Variants in IGF2BP2 observed in about 807,000 individuals in gnomAD.
IGF2BP2 encodes insulin-like growth factor 2 mRNA-binding protein 2.
A neutral mutation model predicts 75.8 loss-of-function variants in IGF2BP2; 17 were observed. The ratio of observed to expected loss-of-function variants is 0.22; its 90% CI spans 0.15 to 0.34. The LOEUF (loss-of-function observed/expected upper bound fraction) is 0.34. IGF2BP2 is among the 10% of genes least tolerant of loss of function. IGF2BP2 has a pLI of 1.00. For missense variants in IGF2BP2, 516 were observed against 772.4 expected, an observed-to-expected ratio of 0.67 and a Z score of 3.93; for synonymous variants, 288 against 295.6, an observed-to-expected ratio of 0.97 and a Z score of 0.26.
intron 7 of IGF2BP2, among the ~76,000 whole-genome samples, chr3:185,677,784 T>C (rs1287782978): frequency 6.6e-6 from 1 of 152,124 alleles, no homozygotes; most frequent in African/African-American, 2.4e-5. Context: ...AGAAAGAACC[T>C]AACAAATTCT....
intron 10 of IGF2BP2, among the ~76,000 whole-genome samples, chr3:185,665,068 G>C: frequency 6.6e-6 from 1 of 151,654 alleles, no homozygotes; most frequent in East Asian, 1.9e-4. Context: ...AAGAAGCTGA[G>C]GAGGGAGCAT....
At chr3:185,766,910 C>T (rs1414424713) in intron 2 of IGF2BP2, among the ~76,000 whole-genome samples, 1 of 152,204 alleles carries the variant, frequency 6.6e-6, no homozygotes, top group Non-Finnish European at 1.5e-5. Context: ...CCAAGGTGTT[C>T]ACAACACACA....
At position 185,647,179 on chromosome 3, in the gene IGF2BP2, C is replaced by T. The variant is rs760666538; in HGVS notation, c.1594-41G>A. 3.5e-6 allele frequency: 5 copies of T among 1,433,818 alleles called. No homozygotes were observed. In the African/African-American group the frequency reaches 5.6e-5, roughly 16 times the overall value. 88.8% of individuals were successfully genotyped at this position (1,433,818 alleles called of 1,614,324 possible). A position where few individuals can be genotyped will look rare whatever the true frequency, so the allele number is the denominator to read the frequency against. On this transcript the variant is annotated intron_variant, in intron 14 of 15. Transcript: ENST00000382199. This position sits in a 1 kb window ranked among gnomAD's most constrained non-coding sequence, Gnocchi z 4.9. Reference sequence around the variant, plus strand: ...CGGCAACGGGTTGGATAGGTTCCCTCCCCGTCAACGTGGTGGGCTCAGGAC... The same window carrying T: ...CGGCAACGGGTTGGATAGGTTCCCTTCCCGTCAACGTGGTGGGCTCAGGAC...
chr3:185,753,588 G>A (rs866754074), intron 2 of IGF2BP2, among the ~76,000 whole-genome samples: 91 of 152,204 alleles, frequency 6.0e-4, no homozygotes, highest in Middle Eastern at 6.8e-3. Context: ...CACTTCCTGC[G>A]GCTAAGTAGA....
chr3:185,724,062 A>T (rs1726965727), intron 2 of IGF2BP2, among the ~76,000 whole-genome samples: 1 of 152,216 alleles, frequency 6.6e-6, no homozygotes, highest in South Asian at 2.1e-4. Context: ...CGGTCACAGC[A>T]AACACATGCT....
At chr3:185,703,899 A>G (rs1723653725) in intron 2 of IGF2BP2, among the ~76,000 whole-genome samples, 1 of 152,208 alleles carries the variant, frequency 6.6e-6, no homozygotes, top group African/African-American at 2.4e-5. Flanking sequence ...TGAGAACTCT[A>G]AACCAAGCCT....
chr3:185,700,259 T>C (rs1229912376), intron 2 of IGF2BP2, among the ~76,000 whole-genome samples: 2 of 152,126 alleles, frequency 1.3e-5, no homozygotes, highest in Admixed American at 6.5e-5. Flanking sequence ...AAATAATGAA[T>C]TAAATGAGGG....
chr3:185,792,915 T>A (rs1047835021), intron 2 of IGF2BP2, among the ~76,000 whole-genome samples: 1 of 151,964 alleles, frequency 6.6e-6, no homozygotes, highest in African/African-American at 2.4e-5. Context: ...GACCCTCTCA[T>A]GAGCAGCCCA....
intron 2 of IGF2BP2, among the ~76,000 whole-genome samples, chr3:185,734,191 A>G (rs1178986766): frequency 6.6e-6 from 1 of 152,222 alleles, no homozygotes; most frequent in Non-Finnish European, 1.5e-5. Context: ...GGCAGTAATG[A>G]GCATCTGCAC....
chr3:185,677,068 T>TATATATATATATAGAGAG, intron 7 of IGF2BP2, among the ~76,000 whole-genome samples: 36 of 35,844 alleles, frequency 1.0e-3, no homozygotes, highest in African/African-American at 2.2e-3. Flanking sequence ...TATATATATA[T>TATATATATATATAGAGAG]AGAGAGAGAG....
In IGF2BP2 at chr3:185,656,788, C is replaced by T. The variant is rs114135713; in HGVS notation, c.1386+498G>A. On this transcript the variant is annotated intron_variant, in intron 12 of 15. Coordinates refer to ENST00000382199, the MANE Select transcript of IGF2BP2 (RefSeq NM_006548.6). ...AGCCTTTCCATAAGTCAAGGACCGT[C>T]CTTCCTGAGTTGCTATGCTCAGGCT... 7.3e-4 allele frequency among the ~76,000 whole-genome samples: 111 copies of T among 152,354 alleles called. 1 individual carries two copies. The highest frequency in any genetic ancestry group is 2.6e-3 in the African/African-American group (108 of 41,576).
intron 2 of IGF2BP2, among the ~76,000 whole-genome samples, chr3:185,704,932 T>C (rs2149388476): frequency 6.6e-6 from 1 of 152,300 alleles, no homozygotes; most frequent in African/African-American, 2.4e-5. Flanking sequence ...GGAAACGAAA[T>C]GTGTTCAACA....
chr3:185,683,695 C>T (rs1308161630), intron 7 of IGF2BP2, among the ~76,000 whole-genome samples: 1 of 152,306 alleles, frequency 6.6e-6, no homozygotes, highest in African/African-American at 2.4e-5. Context: ...AGGCATGAGA[C>T]ACCATGCCCA....
At chr3:185,729,916 A>G (rs1727912411) in intron 2 of IGF2BP2, 1 of 152,228 alleles carries the variant, frequency 6.6e-6, no homozygotes, top group Non-Finnish European at 1.5e-5. Flanking sequence ...AGAGATTTGT[A>G]AAAACAAAAA....
At chr3:185,816,952 G>A (rs1740695313) in intron 2 of IGF2BP2, among the ~76,000 whole-genome samples, 1 of 152,104 alleles carries the variant, frequency 6.6e-6, no homozygotes, top group Non-Finnish European at 1.5e-5. Flanking sequence ...TTAATTACAT[G>A]ACAATAAGAA....
Position 185,769,190 on chromosome 3 carries a change from T to TA in IGF2BP2, c.239+53962dup, listed in dbSNP as rs569598053. On this transcript the variant is annotated intron_variant, in intron 2 of 15. Transcript: ENST00000382199. ...AAACCCCCACCTCTATAAAAATTTT[T>TA]AAAAATTAGCTGAGCATGGGGAGGC... is the stretch of plus-strand genomic sequence containing the variant. Among the ~76,000 whole-genome samples, 1,019 of 152,088 alleles carry TA rather than the reference T, an allele frequency of 6.7e-3. 7 individuals carry two copies. Among genetic ancestry groups the TA allele is most frequent in the Non-Finnish European group, 8.8e-3 (598 of 67,982 alleles).
Position 185,752,637 on chromosome 3 carries a change from T to C in IGF2BP2, c.240-54290A>G, listed in dbSNP as rs374895005. The stretch of plus-strand genomic sequence containing the variant: ...CAGTGTCTCTCTCTGTCACCCAGGC[T>C]GGAGTGCAGTGGCATGATCTTGGCT... On this transcript the variant is annotated intron_variant, in intron 2 of 15. Transcript: ENST00000382199. 2.0e-3 allele frequency among the ~76,000 whole-genome samples: 303 copies of C among 152,236 alleles called. 3 individuals are homozygous for C. Among genetic ancestry groups the C allele is most frequent in the African/African-American group, 7.0e-3 (292 of 41,558 alleles).
intron 2 of IGF2BP2, among the ~76,000 whole-genome samples, chr3:185,703,864 T>C (rs1440226584): frequency 6.6e-6 from 1 of 152,166 alleles, no homozygotes; most frequent in Non-Finnish European, 1.5e-5. Context: ...ATATGGTCTA[T>C]TAGCCACAAG....
intron 2 of IGF2BP2, among the ~76,000 whole-genome samples, chr3:185,719,837 A>AAAGAAAGG (rs1404070391): frequency 1.3e-5 from 2 of 152,170 alleles, no homozygotes; most frequent in Non-Finnish European, 2.9e-5. Flanking sequence ...CTGTCTCAAA[A>AAAGAAAGG]AAGAAAGGAA....
Sources: allele counts gnomAD v4.1 joint callset (sites outside exome capture counted in the v4.1 genomes callset), GRCh38; gene constraint gnomAD v4.1.1; non-coding constraint Gnocchi (gnomAD v3.1); transcripts MANE v1.5; gene names NCBI Gene and HGNC (gene_info 2026-07-23, HGNC 2026-07-21).